PARD3B: variants seen among roughly 807,000 people sequenced by gnomAD.
The protein encoded by PARD3B is partitioning defective 3 homolog B.
PARD3B carries 103 observed loss-of-function variants against 130.2 expected under a neutral mutation model. The ratio of observed to expected loss-of-function variants is 0.79; its 90% CI spans 0.67 to 0.93. The LOEUF (loss-of-function observed/expected upper bound fraction) is 0.93, where lower values mean the gene tolerates loss of function less well. Among genes scored for constraint, PARD3B ranks in the 40% least tolerant of loss-of-function variants. The pLI is 0.00. For synonymous variants in PARD3B, 583 were observed against 553.2 expected (o/e 1.05, Z -0.76); for missense variants, 1,609 against 1,499.2 (o/e 1.07, Z -1.21).
intron 4 of PARD3B, among the ~76,000 whole-genome samples, chr2:205,060,141 G>T (rs1699981169): frequency 6.6e-6 from 1 of 151,984 alleles, no homozygotes; most frequent in Non-Finnish European, 1.5e-5. Flanking sequence ...AGTAGCATTT[G>T]TCCACATTAT....
At chr2:204,847,491 C>T (rs998749858) in intron 2 of PARD3B, among the ~76,000 whole-genome samples, 1 of 152,068 alleles carries the variant, frequency 6.6e-6, no homozygotes, top group Admixed American at 6.6e-5. Flanking sequence ...TTATCTGTGG[C>T]CCTAAAATAT....
At chr2:204,942,196 A>G (rs555478843) in intron 2 of PARD3B, among the ~76,000 whole-genome samples, 1 of 152,334 alleles carries the variant, frequency 6.6e-6, no homozygotes, top group South Asian at 2.1e-4. Flanking sequence ...AAAATGAATA[A>G]CTAAGACTAA....
chr2:205,125,475 G>T lies in PARD3B; in HGVS notation c.1306-134G>T. ...GGAAATATTGTTGGGTTTTGCCCAT[G>T]TATTTAGTTATCATCTTTTCAGAGC... On this transcript the variant is annotated intron_variant, in intron 9 of 22. Coordinates refer to ENST00000406610, the MANE Select transcript of PARD3B (RefSeq NM_001302769.2). The surrounding 1 kb of genome is among the most constrained non-coding windows in gnomAD (Gnocchi z 4.0). 1.0e-6 allele frequency: 1 copy of T among 973,900 alleles called. No individual in the cohort carries two copies. 60.3% of individuals were successfully genotyped at this position (973,900 alleles called of 1,614,324 possible). A position where few individuals can be genotyped will look rare whatever the true frequency, so the allele number is the denominator to read the frequency against.
intron 3 of PARD3B, among the ~76,000 whole-genome samples, chr2:204,998,440 G>GTGTATATATA (rs1559341887): frequency 5.8e-5 from 1 of 17,390 alleles, no homozygotes; most frequent in South Asian, 4.4e-3. Context: ...ATATATGTGT[G>GTGTATATATA]TGTATATATA....
intron 2 of PARD3B, among the ~76,000 whole-genome samples, chr2:204,744,435 G>A (rs1205899072): frequency 6.6e-6 from 1 of 152,138 alleles, no homozygotes; most frequent in Non-Finnish European, 1.5e-5. Context: ...TAATTCTTAG[G>A]TGCCAATTTG....
chr2:205,251,208 A>C (rs1340042078), intron 16 of PARD3B, among the ~76,000 whole-genome samples: 1 of 152,126 alleles, frequency 6.6e-6, no homozygotes, highest in Non-Finnish European at 1.5e-5. Flanking sequence ...CTTGAGTATG[A>C]GAGGGACATC....
intron 2 of PARD3B, among the ~76,000 whole-genome samples, chr2:204,839,736 A>G (rs2044192661): frequency 6.6e-6 from 1 of 152,146 alleles, no homozygotes; most frequent in South Asian, 2.1e-4. Flanking sequence ...AAAAAACATC[A>G]TCTTATGAAC....
At position 205,568,725 on chromosome 2, in the gene PARD3B, G is replaced by A. The variant is rs962466616; in HGVS notation, c.3260+15322G>A. On this transcript the variant is annotated intron_variant, in intron 22 of 22. Coordinates refer to ENST00000406610, the MANE Select transcript of PARD3B (RefSeq NM_001302769.2). This position sits in a 1 kb window ranked among gnomAD's most constrained non-coding sequence, Gnocchi z 5.3. ...CAATAAAAACTTGGCCAAACTCAGG[G>A]ATTCGTCAGATGGCCCTGGTCGTGT... Among the ~76,000 whole-genome samples, 3 of 152,150 alleles carry A rather than the reference G, an allele frequency of 2.0e-5. No homozygotes were observed. Among genetic ancestry groups the A allele is most frequent in the Non-Finnish European group, 2.9e-5 (2 of 68,030 alleles).
intron 20 of PARD3B, among the ~76,000 whole-genome samples, chr2:205,462,600 A>G (rs763562850): frequency 1.6e-4 from 25 of 152,226 alleles, no homozygotes; most frequent in South Asian, 2.1e-4. Flanking sequence ...AAACATTTTA[A>G]TAAACACTAA....
At chr2:205,226,177 G>T (rs780437936) in intron 15 of PARD3B, among the ~76,000 whole-genome samples, 9 of 152,136 alleles carry the variant, frequency 5.9e-5, no homozygotes, top group Non-Finnish European at 1.3e-4. Context: ...GAGTAGCTGG[G>T]ACTACAGGTG....
intron 1 of PARD3B, among the ~76,000 whole-genome samples, chr2:204,648,024 G>C (rs2035333125): frequency 6.6e-6 from 1 of 151,520 alleles, no homozygotes; most frequent in Non-Finnish European, 1.5e-5. Context: ...TGGAGAAGGT[G>C]ACTACGCAAT....
In PARD3B at chr2:205,268,543, C is replaced by T. The variant is rs916723442; in HGVS notation, c.2185+22721C>T. ...GAGAAAGAAAATTGAGTTTCAAGGA[C>T]GTAGAAAAATCTGATTTGAAATCAG... is the stretch of plus-strand genomic sequence containing the variant. On this transcript the variant is annotated intron_variant, in intron 16 of 22. Coordinates refer to ENST00000406610, the MANE Select transcript of PARD3B (RefSeq NM_001302769.2). This position sits in a 1 kb window ranked among gnomAD's most constrained non-coding sequence, Gnocchi z 4.1. Among the ~76,000 whole-genome samples the T allele has an allele frequency of 1.3e-5, 2 of 151,876 alleles. No homozygotes were observed. Among genetic ancestry groups the T allele is most frequent in the African/African-American group, 4.8e-5 (2 of 41,332 alleles).
chr2:205,421,333 G>A lies in PARD3B; in HGVS notation c.2742-19037G>A, dbSNP rs1302875254. On this transcript the variant is annotated intron_variant, in intron 19 of 22. Coordinates refer to ENST00000406610, the MANE Select transcript of PARD3B (RefSeq NM_001302769.2). This position sits in a 1 kb window ranked among gnomAD's most constrained non-coding sequence, Gnocchi z 5.1. ...TTGTGTGGTGCTGTGCCTACACAAT[G>A]CAGGCACATTGCAATGTCTCCAATA... is the stretch of plus-strand genomic sequence containing the variant. 6.6e-6 allele frequency among the ~76,000 whole-genome samples: 1 copy of A among 152,132 alleles called. No individual in the cohort carries two copies. The highest frequency in any genetic ancestry group is 1.5e-5 in the Non-Finnish European group (1 of 68,020).
intron 5 of PARD3B, among the ~76,000 whole-genome samples, chr2:205,113,240 G>A (rs1453162956): frequency 6.6e-6 from 1 of 152,054 alleles, no homozygotes; most frequent in Non-Finnish European, 1.5e-5. Flanking sequence ...TATTTTTGTA[G>A]GTAGTCATTT....
At chr2:205,420,489 C>T (rs1299141027) in intron 19 of PARD3B, among the ~76,000 whole-genome samples, 1 of 152,162 alleles carries the variant, frequency 6.6e-6, no homozygotes, top group African/African-American at 2.4e-5. Flanking sequence ...CCCTACATCA[C>T]CTTGCTTTTC....
intron 1 of PARD3B, among the ~76,000 whole-genome samples, chr2:204,581,684 C>CA (rs1305504458): frequency 1.3e-5 from 2 of 152,088 alleles, no homozygotes; most frequent in African/African-American, 4.8e-5. Context: ...CCTAAATCCT[C>CA]AAAAAACTCC....
At chr2:204,864,158 A>G (rs2045320132) in intron 2 of PARD3B, among the ~76,000 whole-genome samples, 1 of 151,994 alleles carries the variant, frequency 6.6e-6, no homozygotes, top group Admixed American at 6.6e-5. Flanking sequence ...ATTTGCCTGG[A>G]GCACGACAGC....
In PARD3B at chr2:204,545,954, T is replaced by C; in HGVS notation, c.-46T>C. The C allele has an allele frequency of 6.9e-7, 1 of 1,459,636 alleles. No homozygotes were observed. Among genetic ancestry groups the C allele is most frequent in the African/African-American group, 1.5e-5 (1 of 68,030 alleles). 90.4% of individuals were successfully genotyped at this position (1,459,636 alleles called of 1,614,324 possible). On this transcript the variant is annotated 5_prime_UTR_variant, in exon 1 of 23. Coordinates refer to ENST00000406610, the MANE Select transcript of PARD3B (RefSeq NM_001302769.2). ...GAGAGTGGGGGCTGCGCCCGCGGGG[T>C]CAGACACCTGTTCGGCCCGGCCCGG...
chr2:204,598,128 C>T (rs1322266724), intron 1 of PARD3B, among the ~76,000 whole-genome samples: 2 of 152,104 alleles, frequency 1.3e-5, no homozygotes, highest in African/African-American at 4.8e-5. Flanking sequence ...CTCATTTACT[C>T]CTTTGTTTCC....
Sources: gnomAD v4.1 joint callset for allele counts (sites outside exome capture counted in the v4.1 genomes callset) on GRCh38, gnomAD v4.1.1 for gene constraint, Gnocchi (gnomAD v3.1) non-coding constraint, MANE v1.5 for transcripts, NCBI Gene and HGNC (gene_info 2026-07-23, HGNC 2026-07-21) for gene names.